The following ANKRD23 variants were observed in gnomAD, a reference collection of about 807,000 sequenced individuals.
ANKRD23 encodes ankyrin repeat domain 23, also known as ankyrin repeat domain-containing protein 23.
ANKRD23 carries 52 observed loss-of-function variants against 38.1 expected under a neutral mutation model. The ratio of observed to expected loss-of-function variants is 1.36; its 90% CI spans 1.09 to 1.72. ANKRD23 has a LOEUF of 1.72. ANKRD23 is among the 40% of genes most tolerant of loss of function. The pLI is 0.00. For synonymous variants in ANKRD23, 167 were observed against 162.9 expected (o/e 1.03, Z -0.19); for missense variants, 416 against 400.2 (o/e 1.04, Z -0.34).
Position 96,839,733 on chromosome 2 carries a change from C to T in ANKRD23, c.816G>A (p.Arg272=). 1 of 1,613,070 alleles carries T rather than the reference C, an allele frequency of 6.2e-7. No homozygotes were observed. The highest frequency in any genetic ancestry group is 1.1e-5 in the South Asian group (1 of 91,018). The change falls in exon 8 of 9, where the codon CGG becomes CGA. Residue 272 remains arginine (R), a synonymous_variant. Coordinates refer to ENST00000318357, the MANE Select transcript of ANKRD23 (RefSeq NM_144994.8). Reference sequence around the variant, plus strand: ...GGGCTGCGCCCACACTCACCGCGTTCCGCACCCCCAGCTCGGCCCCATAGA... The same window carrying T: ...GGGCTGCGCCCACACTCACCGCGTTTCGCACCCCCAGCTCGGCCCCATAGA... ...LLLYGAELGV[R]NAASVTPVQL...
chr2:96,843,688 C>T (rs968966140), intron 1 of ANKRD23, among the ~76,000 whole-genome samples: 1 of 152,160 alleles, frequency 6.6e-6, no homozygotes, highest in African/African-American at 2.4e-5. Flanking sequence ...CAGAAAGAAC[C>T]GCACGCTCAG....
intron 3 of ANKRD23, 76 bp from the exon 4 acceptor site, chr2:96,840,988 G>A: frequency 6.4e-7 from 1 of 1,567,038 alleles, no homozygotes. Flanking sequence ...TCACCAGTCT[G>A]GCCCACGGGT....
Position 96,839,822 on chromosome 2 carries a change from C to T in ANKRD23, c.727G>A (p.Gly243Arg), listed in dbSNP as rs776561347. 4.3e-6 allele frequency: 7 copies of T among 1,612,082 alleles called. No homozygotes were observed. In the African/African-American group the frequency reaches 9.3e-5, roughly 22 times the overall value. Reference protein sequence around the residue: ...GAHLNAQDKEGDTALHEAVRH... With the variant: ...GAHLNAQDKERDTALHEAVRH... The stretch of plus-strand genomic sequence containing the variant: ...ACGGCCTCGTGCAGAGCCGTGTCCC[C>T]TTCCTGCTGAGAACGCAGGCAGTCA... The change falls in exon 8 of 9, where the codon GGG (glycine) becomes AGG (arginine). Residue 243 changes from glycine (G) to arginine (R), a missense_variant. Coordinates refer to ENST00000318357, the MANE Select transcript of ANKRD23 (RefSeq NM_144994.8).
In ANKRD23 at chr2:96,838,231, G is replaced by C. The variant is rs1419213561; in HGVS notation, c.*1318C>G. 5.3e-6 allele frequency: 3 copies of C among 567,296 alleles called. No individual in the cohort carries two copies. Among genetic ancestry groups the C allele is most frequent in the Non-Finnish European group, 6.7e-6 (3 of 445,810 alleles). 35.1% of individuals were successfully genotyped at this position (567,296 alleles called of 1,614,324 possible). Reference sequence around the variant, plus strand: ...GGCCAAATGCCTATCAATCAGCCCGGTACCTAATGTAACCCAGGACCCATG... The same window carrying C: ...GGCCAAATGCCTATCAATCAGCCCGCTACCTAATGTAACCCAGGACCCATG... On this transcript the variant is annotated 3_prime_UTR_variant, in exon 9 of 9. Coordinates refer to ENST00000318357, the MANE Select transcript of ANKRD23 (RefSeq NM_144994.8).
In ANKRD23 at chr2:96,839,305, T is replaced by TG; in HGVS notation, c.*243dup. The TG allele has an allele frequency of 2.4e-6, 3 of 1,231,454 alleles. No individual in the cohort carries two copies. The highest frequency in any genetic ancestry group is 3.0e-6 in the Non-Finnish European group (3 of 987,858). 76.3% of individuals were successfully genotyped at this position (1,231,454 alleles called of 1,614,324 possible). On this transcript the variant is annotated 3_prime_UTR_variant, in exon 9 of 9. Transcript: ENST00000318357. ...TGGACCCGCGCTTTCTGCTGCCTTG[T>TG]GGTCCTCTGCTCCAGCCCTGGGAGG...
Position 96,842,067 on chromosome 2 carries a change from AG to A in ANKRD23, c.292del (p.Leu98TrpfsTer19). ...HRVPPRKPEP[L>X]VKPQSQAQVE... ...CCCCGACCTCCCACTCACCTTAACC[AG>A]GGGCTCAGGTTTCCTGGGGGGGACT... On this transcript the variant is annotated frameshift_variant, in exon 3 of 9. Transcript: ENST00000318357. LOFTEE classifies it high-confidence loss of function. 1 of 1,613,988 alleles carries A rather than the reference AG, an allele frequency of 6.2e-7. No individual in the cohort carries two copies. The highest frequency in any genetic ancestry group is 8.5e-7 in the Non-Finnish European group (1 of 1,180,024).
Position 96,842,481 on chromosome 2 carries a change from A to G in ANKRD23, c.58T>C (p.Leu20=). The G allele has an allele frequency of 1.9e-6, 3 of 1,614,112 alleles. No homozygotes were observed. The highest frequency in any genetic ancestry group is 2.2e-5 in the East Asian group (1 of 44,882). Residue 20 remains leucine (L), a synonymous_variant, in exon 2 of 9, where the codon TTG becomes CTG. Coordinates refer to ENST00000318357, the MANE Select transcript of ANKRD23 (RefSeq NM_144994.8). ...TCAGGAACTCCATGTCCAAATCCCAACACTTTCCCTTCAACTCTTTCTCCA... is the reference window on the plus strand; with the variant it reads ...TCAGGAACTCCATGTCCAAATCCCAGCACTTTCCCTTCAACTCTTTCTCCA... ...VSGERVEGKV[L]GFGHGVPDPG...
intron 1 of ANKRD23, among the ~76,000 whole-genome samples, 185 bp from the exon 2 acceptor site, chr2:96,842,696 T>C (rs1299613512): frequency 6.6e-6 from 1 of 152,212 alleles, no homozygotes; most frequent in Non-Finnish European, 1.5e-5. Flanking sequence ...CTGTGGGTGC[T>C]GCAGGCTCCG....
In ANKRD23 at chr2:96,842,340, ACCCCGG is replaced by A. The variant is rs765012867; in HGVS notation, c.174+19_174+24del. On this transcript the variant is annotated intron_variant, in intron 2 of 8. Coordinates refer to ENST00000318357, the MANE Select transcript of ANKRD23 (RefSeq NM_144994.8). ...CCTCAGGGATTAGCCACTGCCCCCAACCCCGGCCCCCGCCCCTCTCTCACTTTCTTC... is the reference window on the plus strand; with the variant it reads ...CCTCAGGGATTAGCCACTGCCCCCAACCCCCGCCCCTCTCTCACTTTCTTC... 2 of 1,462,784 alleles carry A rather than the reference ACCCCGG, an allele frequency of 1.4e-6. No homozygotes were observed. Among genetic ancestry groups the A allele is most frequent in the Non-Finnish European group, 1.9e-6 (2 of 1,063,232 alleles). 90.6% of individuals were successfully genotyped at this position (1,462,784 alleles called of 1,614,324 possible).
rs907972038 is a variant in ANKRD23, at chr2:96,839,119, A to C, written c.*430T>G. The stretch of plus-strand genomic sequence containing the variant: ...TCTGCCGGCCACGGGCTGAGTCCCC[A>C]CACACACAGACTGGCCCTGGAGAGA... On this transcript the variant is annotated 3_prime_UTR_variant, in exon 9 of 9. Coordinates refer to ENST00000318357, the MANE Select transcript of ANKRD23 (RefSeq NM_144994.8). 3.1e-5 allele frequency: 31 copies of C among 993,602 alleles called. No homozygotes were observed. The Admixed American group carries it at 1.3e-3, about 43-fold the overall frequency. 61.5% of individuals were successfully genotyped at this position (993,602 alleles called of 1,614,324 possible). A position where few individuals can be genotyped will look rare whatever the true frequency, so the allele number is the denominator to read the frequency against.
Position 96,840,101 on chromosome 2 carries a change from A to G in ANKRD23, c.625-6T>C, listed in dbSNP as rs1339119339. On this transcript the variant is annotated splice_region_variant and splice_polypyrimidine_tract_variant and intron_variant, in intron 6 of 8. Transcript: ENST00000318357. Reference sequence around the variant, plus strand: ...TGCAGGGGGGTGCTCCCGATCTGAGAGCAAGTGGGGGTCAGTGCTGGGTCT... The same window carrying G: ...TGCAGGGGGGTGCTCCCGATCTGAGGGCAAGTGGGGGTCAGTGCTGGGTCT... The G allele has an allele frequency of 6.4e-7, 1 of 1,553,300 alleles. No individual in the cohort carries two copies. The highest frequency in any genetic ancestry group is 2.4e-5 in the East Asian group (1 of 41,782).
At chr2:96,841,107 T>C (rs2079755587) in intron 3 of ANKRD23, 195 bp from the exon 4 acceptor site, 3 of 620,766 alleles carry the variant, frequency 4.8e-6, no homozygotes, top group Middle Eastern at 4.4e-4. Flanking sequence ...GTGTGTGTTA[T>C]GGATTGACTT....
At chr2:96,840,598 C>A in intron 4 of ANKRD23, 84 bp from the exon 5 acceptor site, 1 of 1,543,724 alleles carries the variant, frequency 6.5e-7, no homozygotes, top group South Asian at 1.1e-5. Flanking sequence ...GGGCCAGGTC[C>A]CTGAATGGAA....
Position 96,842,160 on chromosome 2 carries a change from A to T in ANKRD23, c.200T>A (p.Phe67Tyr). The T allele has an allele frequency of 6.2e-7, 1 of 1,614,164 alleles. No homozygotes were observed. Among genetic ancestry groups the T allele is most frequent in the Non-Finnish European group, 8.5e-7 (1 of 1,180,032 alleles). ...KKLERFNSTR[F>Y]NLDNLADLEN... Reference sequence around the variant, plus strand: ...CAAGTCAGCCAGGTTATCCAGATTAAATCTGGTACTGTTAAATCTTTCAAG... The same window carrying T: ...CAAGTCAGCCAGGTTATCCAGATTATATCTGGTACTGTTAAATCTTTCAAG... Residue 67 changes from phenylalanine (F) to tyrosine (Y), a missense_variant, in exon 3 of 9, where the codon TTT (phenylalanine) becomes TAT (tyrosine). By Grantham distance (22) the Phe-to-Tyr change is conservative (BLOSUM62 3). Transcript: ENST00000318357.
rs1464953007 is a variant in ANKRD23 at position 96,840,020 on chromosome 2, C to T, written c.700G>A (p.Ala234Thr). 2 of 1,558,748 alleles carry T rather than the reference C, an allele frequency of 1.3e-6. No homozygotes were observed. The highest frequency in any genetic ancestry group is 1.7e-6 in the Non-Finnish European group (2 of 1,150,628). The part of the protein sequence containing the change: ...DCLEHLIECG[A>T]HLNAQDKEGD... Reference sequence around the variant, plus strand: ...ACCTTATCCTGTGCGTTCAGGTGGGCGCCACACTCGATGAGGTGCTCCAGG... The same window carrying T: ...ACCTTATCCTGTGCGTTCAGGTGGGTGCCACACTCGATGAGGTGCTCCAGG... Residue 234 changes from alanine to threonine, a missense_variant, in exon 7 of 9, where the codon GCC becomes ACC. Physicochemically the swap from Ala to Thr is moderately conservative, Grantham distance 58. Coordinates refer to ENST00000318357, the MANE Select transcript of ANKRD23 (RefSeq NM_144994.8).
At position 96,838,723 on chromosome 2, in the gene ANKRD23, A is replaced by G. The variant is rs2079721217; in HGVS notation, c.*826T>C. ...ATCCCCAGTGCCCAGGCGCTTCCCC[A>G]TGAGAGCCGCCAGCAGGCAACGGTG... On this transcript the variant is annotated 3_prime_UTR_variant, in exon 9 of 9. Transcript: ENST00000318357. The G allele has an allele frequency of 1.0e-6, 1 of 985,626 alleles. No individual in the cohort carries two copies. The highest frequency in any genetic ancestry group is 1.2e-6 in the Non-Finnish European group (1 of 830,054). 61.1% of individuals were successfully genotyped at this position (985,626 alleles called of 1,614,324 possible). A position where few individuals can be genotyped will look rare whatever the true frequency, so the allele number is the denominator to read the frequency against.
intron 2 of ANKRD23, 35 bp from the exon 3 acceptor site, chr2:96,842,220 C>T: frequency 1.2e-6 from 2 of 1,613,208 alleles, no homozygotes; most frequent in Non-Finnish European, 1.7e-6. Context: ...CAGCCATCAG[C>T]CGCTGGTCAA....
At chr2:96,839,884 A>G (rs2079739094) in intron 7 of ANKRD23, 59 bp from the exon 8 acceptor site, 1 of 1,563,508 alleles carries the variant, frequency 6.4e-7, no homozygotes, top group African/African-American at 1.4e-5. Flanking sequence ...CTCATGCAGG[A>G]AGGTCAGGGC....
rs1267329224 is a variant in ANKRD23 at position 96,838,298 on chromosome 2, A to G, written c.*1251T>C. On this transcript the variant is annotated 3_prime_UTR_variant, in exon 9 of 9. Transcript: ENST00000318357. ...TTCACCTTTCAGCCCTTCCCTCAGC[A>G]TGTGGTTCTCAGTTTAGGGCAGAGC... 1.2e-5 allele frequency: 11 copies of G among 947,008 alleles called. No individual in the cohort carries two copies. The highest frequency in any genetic ancestry group is 1.4e-5 in the Non-Finnish European group (11 of 792,968). 58.7% of individuals were successfully genotyped at this position (947,008 alleles called of 1,614,324 possible).
Sources: allele counts gnomAD v4.1 joint callset (sites outside exome capture counted in the v4.1 genomes callset), GRCh38; gene constraint gnomAD v4.1.1; transcripts MANE v1.5; gene names NCBI Gene and HGNC (gene_info 2026-07-23, HGNC 2026-07-21).